METTL21A: variants seen among roughly 807,000 people sequenced by gnomAD.
METTL21A encodes protein N-lysine methyltransferase METTL21A.
Under a neutral mutation model 20.9 loss-of-function variants are expected in METTL21A, and 22 were observed. That is an observed-to-expected ratio of 1.05 (90% CI 0.75 to 1.50). METTL21A has a LOEUF of 1.50. Ranked by LOEUF, METTL21A falls within the 40% of genes most tolerant of loss-of-function variation. METTL21A has a pLI of 0.00. For missense variants in METTL21A, 271 were observed against 266.8 expected (o/e 1.02, Z -0.11); for synonymous variants, 93 against 102.0 (o/e 0.91, Z 0.53).
At chr2:207,625,275 G>C (rs1384898614) in exon 1 of METTL21A, 1 of 152,118 alleles carries the variant, frequency 6.6e-6, no homozygotes, top group Non-Finnish European at 1.5e-5. Context: ...GGCCCGGGAG[G>C]CGGTCCCGCG....
chr2:207,604,395 T>C (rs1167764004), downstream of METTL21A, among the ~76,000 whole-genome samples: 3 of 152,224 alleles, frequency 2.0e-5, no homozygotes, highest in Non-Finnish European at 1.5e-5. Context: ...GTGGTGCCAC[T>C]ATCCATCTGT....
At chr2:207,584,206 A>G (rs772113243) in intron 3 of METTL21A, among the ~76,000 whole-genome samples, 9 of 152,242 alleles carry the variant, frequency 5.9e-5, no homozygotes, top group Admixed American at 2.6e-4. Flanking sequence ...AACTAACTGT[A>G]TATTTAACTT....
intron 3 of METTL21A, among the ~76,000 whole-genome samples, chr2:207,585,073 A>G (rs2083581835): frequency 6.6e-6 from 1 of 151,892 alleles, no homozygotes; most frequent in Non-Finnish European, 1.5e-5. Context: ...GTGCCTGAGG[A>G]TTGGTTGGTC....
intron 3 of METTL21A, chr2:207,597,167 G>A (rs1238078117): frequency 1.1e-5 from 14 of 1,223,470 alleles, no homozygotes; most frequent in South Asian, 5.1e-5. Flanking sequence ...TTTTCTATGC[G>A]CAAAACTGCC....
chr2:207,600,151 A>G (rs1448282676), intron 3 of METTL21A: 1 of 179,664 alleles, frequency 5.6e-6, no homozygotes, highest in Non-Finnish European at 1.2e-5. Flanking sequence ...AAACTCAAGT[A>G]CCATATTGGC....
intron 3 of METTL21A, among the ~76,000 whole-genome samples, chr2:207,584,163 A>G (rs1427984432): frequency 1.3e-5 from 2 of 152,236 alleles, no homozygotes; most frequent in African/African-American, 4.8e-5. Context: ...AACATGAGTA[A>G]ATATCTAGGA....
chr2:207,583,380 G>T (rs576776432), intron 3 of METTL21A, among the ~76,000 whole-genome samples: 2 of 152,216 alleles, frequency 1.3e-5, no homozygotes, highest in Admixed American at 6.5e-5. Context: ...TTCTTTCTCC[G>T]ACAGAAACTT....
chr2:207,602,932 C>T (rs1340944500), intron 3 of METTL21A: 1 of 215,998 alleles, frequency 4.6e-6, no homozygotes, highest in Non-Finnish European at 9.3e-6. Context: ...AGATGTATCA[C>T]TTGAAACTTT....
chr2:207,620,438 A>C (rs1236987553), intron 3 of METTL21A, among the ~76,000 whole-genome samples: 1 of 141,708 alleles, frequency 7.1e-6, no homozygotes, highest in African/African-American at 2.7e-5. Context: ...GTGAGACTCC[A>C]TCTCAAAAAA....
downstream of METTL21A, among the ~76,000 whole-genome samples, chr2:207,604,955 AT>A (rs1200906661): frequency 6.6e-6 from 1 of 152,212 alleles, no homozygotes; most frequent in Non-Finnish European, 1.5e-5. Flanking sequence ...GCCATTGTAG[AT>A]ATATACCACA....
At chr2:207,592,633 A>G (rs1288686083) in intron 3 of METTL21A, among the ~76,000 whole-genome samples, 2 of 152,026 alleles carry the variant, frequency 1.3e-5, no homozygotes, top group African/African-American at 4.8e-5. Flanking sequence ...ATTTTAGAAA[A>G]TTCTTGGCCA....
chr2:207,621,847 C>T lies in METTL21A; in HGVS notation c.218G>A (p.Gly73Asp), dbSNP rs764712936. The change falls in exon 3 of 4, where the codon GGT becomes GAT. Residue 73 changes from glycine (G) to aspartate (D), a missense_variant. Gly to Asp is a moderately conservative substitution (Grantham distance 94). Coordinates refer to ENST00000406927, the Ensembl canonical transcript of METTL21A. ...TATGCCCACCAGCCCCGTGCCAGCA[C>T]CCAGCTCCACGGCAGAGCGGCCCCT... 3.1e-6 allele frequency: 5 copies of T among 1,614,092 alleles called. No individual in the cohort carries two copies. The East Asian group carries it at 8.9e-5, about 29-fold the overall frequency.
intron 3 of METTL21A, among the ~76,000 whole-genome samples, chr2:207,618,308 TGG>T (rs2090040356): frequency 6.6e-6 from 1 of 152,306 alleles, no homozygotes; most frequent in East Asian, 1.9e-4. Context: ...AGACCCCCAG[TGG>T]ATGCCTGAAA....
upstream of METTL21A, chr2:207,625,473 G>C (rs940688801): frequency 2.0e-5 from 3 of 152,364 alleles, no homozygotes; most frequent in African/African-American, 7.2e-5. Flanking sequence ...CGCGGTGGAG[G>C]AGTGACGTTG....
intron 3 of METTL21A, among the ~76,000 whole-genome samples, chr2:207,616,393 G>A (rs1423548024): frequency 6.6e-6 from 1 of 152,240 alleles, no homozygotes; most frequent in African/African-American, 2.4e-5. Flanking sequence ...TAACCTGGTA[G>A]GTATTCCAGA....
chr2:207,614,628 C>T (rs1307681834), intron 3 of METTL21A, among the ~76,000 whole-genome samples: 1 of 152,038 alleles, frequency 6.6e-6, no homozygotes, highest in African/African-American at 2.4e-5. Context: ...GGTTAAAATG[C>T]TTGTTCTTAA....
chr2:207,592,310 G>C (rs953446341), intron 3 of METTL21A, among the ~76,000 whole-genome samples: 1 of 152,110 alleles, frequency 6.6e-6, no homozygotes, highest in African/African-American at 2.4e-5. Flanking sequence ...GGGAGGCTGA[G>C]GCAGGAAAAT....
intron 1 of METTL21A, 90 bp from the exon 2 acceptor site, chr2:207,624,494 C>T: frequency 8.4e-7 from 1 of 1,183,858 alleles, no homozygotes; most frequent in African/African-American, 1.6e-5. Flanking sequence ...AGGTCGTTTA[C>T]AAGTTCAAAA....
chr2:207,597,110 A>G (rs1355609062), intron 3 of METTL21A: 14 of 1,517,892 alleles, frequency 9.2e-6, no homozygotes, highest in Non-Finnish European at 1.1e-5. Context: ...TGGCTTGGCC[A>G]CAACCTGAAA....
Sources: gnomAD v4.1 joint callset for allele counts (sites outside exome capture counted in the v4.1 genomes callset) on GRCh38, gnomAD v4.1.1 for gene constraint, MANE v1.5 for transcripts, NCBI Gene and HGNC (gene_info 2026-07-23, HGNC 2026-07-21) for gene names.